MSI2: variants seen among roughly 807,000 people sequenced by gnomAD.
MSI2 encodes RNA-binding protein Musashi homolog 2.
Under a neutral mutation model 45.6 loss-of-function variants are expected in MSI2, and 17 were observed. The observed-to-expected ratio is 0.37, with a 90% CI of 0.26 to 0.56. MSI2 has a LOEUF of 0.56. Among genes scored for constraint, MSI2 ranks in the 20% least tolerant of loss-of-function variants. MSI2 has a pLI of 0.77. For synonymous variants in MSI2, 156 were observed against 158.2 expected, an observed-to-expected ratio of 0.99 and a Z score of 0.11; for missense variants, 293 against 444.2, an observed-to-expected ratio of 0.66 and a Z score of 3.06.
At chr17:57,356,602 G>C (rs1446852394) in intron 5 of MSI2, among the ~76,000 whole-genome samples, 1 of 152,180 alleles carries the variant, frequency 6.6e-6, no homozygotes, top group East Asian at 1.9e-4. Flanking sequence ...TAGGCCTGTG[G>C]TTTAGCAGAG....
chr17:57,411,972 A>C (rs987450386), intron 6 of MSI2, among the ~76,000 whole-genome samples: 2 of 150,732 alleles, frequency 1.3e-5, no homozygotes, highest in Non-Finnish European at 3.0e-5. Context: ...ACACCATTGC[A>C]CTCCAGCCTG....
intron 5 of MSI2, among the ~76,000 whole-genome samples, chr17:57,391,374 G>A (rs562555131): frequency 6.6e-5 from 10 of 152,262 alleles, no homozygotes; most frequent in East Asian, 5.8e-4. Flanking sequence ...AACGGAGAAC[G>A]TGAGGCTCGG....
chr17:57,671,774 T>C (rs547505111), intron 11 of MSI2, among the ~76,000 whole-genome samples: 87 of 152,382 alleles, frequency 5.7e-4, no homozygotes, highest in Middle Eastern at 3.4e-3. Context: ...CAGGAACAGC[T>C]ACTGACAAGT....
chr17:57,486,207 C>A (rs1476693955), intron 6 of MSI2, among the ~76,000 whole-genome samples: 1 of 152,230 alleles, frequency 6.6e-6, no homozygotes, highest in African/African-American at 2.4e-5. Flanking sequence ...TTTCCCCTAG[C>A]AAATGCAGAC....
rs979827554 is a variant in MSI2 at position 57,684,287 on chromosome 17, T to C, written c.*4770T>C. On this transcript the variant is annotated 3_prime_UTR_variant, in exon 14 of 14. Coordinates refer to ENST00000284073, the MANE Select transcript of MSI2 (RefSeq NM_138962.4). ...TGTAAACTCCGAATTCCATATGTAA[T>C]AGGATGCAAGTCTAAGCGTTTCATG... 5.0e-6 allele frequency: 1 copy of C among 200,566 alleles called. No homozygotes were observed. Among genetic ancestry groups the C allele is most frequent in the African/African-American group, 2.3e-5 (1 of 43,434 alleles). The allele number at this position is 200,566 out of a possible 1,614,324, so 12.4% of individuals were successfully genotyped here.
chr17:57,491,165 G>A lies in MSI2; in HGVS notation c.406-38511G>A, dbSNP rs1001022157. 5.3e-5 allele frequency among the ~76,000 whole-genome samples: 8 copies of A among 152,276 alleles called. 1 individual carries two copies. In the East Asian group the frequency reaches 5.8e-4, roughly 11 times the overall value. On this transcript the variant is annotated intron_variant, in intron 6 of 13. Coordinates refer to ENST00000284073, the MANE Select transcript of MSI2 (RefSeq NM_138962.4). ...AGCGCTCGCATTGGTCAGTTTATTCGGATTCTCCTGTAGAGGGGAGTTACC... is the reference window on the plus strand; with the variant it reads ...AGCGCTCGCATTGGTCAGTTTATTCAGATTCTCCTGTAGAGGGGAGTTACC...
At position 57,684,256 on chromosome 17, in the gene MSI2, G is replaced by T. The variant is rs1424994173; in HGVS notation, c.*4739G>T. On this transcript the variant is annotated 3_prime_UTR_variant, in exon 14 of 14. Coordinates refer to ENST00000284073, the MANE Select transcript of MSI2 (RefSeq NM_138962.4). ...TGGGCTAGCCAATCTGCCGTTCATGGTGTATTGTAAACTCCGAATTCCATA... is the reference window on the plus strand; with the variant it reads ...TGGGCTAGCCAATCTGCCGTTCATGTTGTATTGTAAACTCCGAATTCCATA... 1 of 205,272 alleles carries T rather than the reference G, an allele frequency of 4.9e-6. No individual in the cohort carries two copies. Among genetic ancestry groups the T allele is most frequent in the Non-Finnish European group, 1.0e-5 (1 of 100,298 alleles). 12.7% of individuals were successfully genotyped at this position (205,272 alleles called of 1,614,324 possible).
chr17:57,277,354 G>A (rs1225398788), intron 5 of MSI2, among the ~76,000 whole-genome samples: 2 of 152,252 alleles, frequency 1.3e-5, no homozygotes, highest in Admixed American at 6.5e-5. Flanking sequence ...CACCGCACCC[G>A]GGCTGGTTTT....
chr17:57,527,484 T>C (rs975022425), intron 6 of MSI2, among the ~76,000 whole-genome samples: 3 of 152,018 alleles, frequency 2.0e-5, no homozygotes, highest in African/African-American at 7.3e-5. Context: ...TCTTGAAGCC[T>C]GCCCAAAAGG....
At chr17:57,458,097 AC>A (rs971076756) in intron 6 of MSI2, among the ~76,000 whole-genome samples, 4 of 147,618 alleles carry the variant, frequency 2.7e-5, no homozygotes, top group African/African-American at 7.7e-5. Context: ...ACATATATAT[AC>A]CTTTTTTTTT....
At chr17:57,583,073 G>T (rs1440737151) in intron 7 of MSI2, among the ~76,000 whole-genome samples, 1 of 152,212 alleles carries the variant, frequency 6.6e-6, no homozygotes, top group Admixed American at 6.5e-5. Context: ...TGATGTGGCT[G>T]GTTAGGTGTC....
chr17:57,538,056 A>G (rs1472591571), intron 7 of MSI2, among the ~76,000 whole-genome samples: 1 of 152,018 alleles, frequency 6.6e-6, no homozygotes, highest in Non-Finnish European at 1.5e-5. Flanking sequence ...GAGAGGGACA[A>G]TGAATCTTTT....
chr17:57,307,255 A>G (rs1273230970), intron 5 of MSI2, among the ~76,000 whole-genome samples: 1 of 152,164 alleles, frequency 6.6e-6, no homozygotes, highest in African/African-American at 2.4e-5. Flanking sequence ...TAACATTTCT[A>G]ATCAGTTGAC....
At chr17:57,377,857 C>CTT (rs2083526474) in intron 5 of MSI2, among the ~76,000 whole-genome samples, 2 of 152,044 alleles carry the variant, frequency 1.3e-5, no homozygotes, top group African/African-American at 4.8e-5. Flanking sequence ...GGGTGGATCA[C>CTT]GAGGTCAGGA....
chr17:57,478,103 G>T (rs1198085694), intron 6 of MSI2, among the ~76,000 whole-genome samples: 1 of 152,070 alleles, frequency 6.6e-6, no homozygotes, highest in East Asian at 1.9e-4. Context: ...ATCTCCTCAC[G>T]TGCTCTGTAG....
intron 8 of MSI2, among the ~76,000 whole-genome samples, chr17:57,599,844 T>C (rs1246325973): frequency 2.6e-5 from 4 of 152,094 alleles, no homozygotes; most frequent in African/African-American, 9.7e-5. Flanking sequence ...TACTGCCTCA[T>C]TGGGTTGTTA....
chr17:57,498,703 T>C (rs11079304), intron 6 of MSI2, among the ~76,000 whole-genome samples: 134,633 of 152,246 alleles, frequency 0.88, 59,584 homozygotes, highest in African/African-American at 0.9. Context: ...GTTGGCTTTG[T>C]TGGGGGAAAT....
intron 5 of MSI2, among the ~76,000 whole-genome samples, chr17:57,350,643 AG>A (rs921611700): frequency 9.9e-5 from 15 of 152,100 alleles, no homozygotes; most frequent in African/African-American, 3.6e-4. Context: ...GCCTTTGCGC[AG>A]GGGATCCCTG....
At chr17:57,414,679 C>T (rs1203738727) in intron 6 of MSI2, among the ~76,000 whole-genome samples, 1 of 152,170 alleles carries the variant, frequency 6.6e-6, no homozygotes, top group Non-Finnish European at 1.5e-5. Flanking sequence ...GGATTACAGG[C>T]ATGAGCCACC....
Sources: gnomAD v4.1 joint callset for allele counts (sites outside exome capture counted in the v4.1 genomes callset) on GRCh38, gnomAD v4.1.1 for gene constraint, MANE v1.5 for transcripts, NCBI Gene and HGNC (gene_info 2026-07-23, HGNC 2026-07-21) for gene names.